Variants in SHANK2 observed in about 807,000 individuals in gnomAD.
SHANK2 encodes SH3 and multiple ankyrin repeat domains protein 2.
In SHANK2, 43 loss-of-function variants were observed where a neutral mutation model predicts 133.7. That is an observed-to-expected ratio of 0.32 (90% CI 0.25 to 0.41). SHANK2 has a LOEUF of 0.41. Among genes scored for constraint, SHANK2 ranks in the 10% least tolerant of loss-of-function variants. The pLI is 1.00. For synonymous variants in SHANK2, 1,017 were observed against 952.8 expected, an observed-to-expected ratio of 1.07 and a Z score of -1.24; for missense variants, 1,994 against 2,235.8, an observed-to-expected ratio of 0.89 and a Z score of 2.18.
At chr11:71,242,076 A>G (rs573919249) in intron 1 of SHANK2, among the ~76,000 whole-genome samples, 80 of 152,334 alleles carry the variant, frequency 5.3e-4, no homozygotes, top group African/African-American at 1.7e-3. Context: ...GGAAATTCTG[A>G]CACACGCTAC....
intron 10 of SHANK2, among the ~76,000 whole-genome samples, chr11:70,933,767 A>G (rs1950532348): frequency 1.3e-5 from 2 of 152,216 alleles, no homozygotes; most frequent in East Asian, 3.9e-4. Context: ...TAAAAATACA[A>G]AAGTTAGCTG....
chr11:70,807,061 T>C lies in SHANK2; in HGVS notation c.1604A>G (p.Lys535Arg), dbSNP rs182586961. 2.6e-4 allele frequency: 185 copies of C among 717,980 alleles called. No individual in the cohort carries two copies. The East Asian group carries it at 4.7e-3, about 18-fold the overall frequency. 44.5% of individuals were successfully genotyped at this position (717,980 alleles called of 1,614,324 possible). A position where few individuals can be genotyped will look rare whatever the true frequency, so the allele number is the denominator to read the frequency against. The change falls in exon 13 of 26, where the codon AAG becomes AGG. Residue 535 changes from lysine (K) to arginine (R), a missense_variant. Transcript: ENST00000601538. This position sits in a 1 kb window ranked among gnomAD's most constrained non-coding sequence, Gnocchi z 4.8. Reference sequence around the variant, plus strand: ...GCCGTCCACTTGGGGTTGGTATGGCTTGACAGCGACGAAGAGCCTCCCGGG... The same window carrying C: ...GCCGTCCACTTGGGGTTGGTATGGCCTGACAGCGACGAAGAGCCTCCCGGG... ...AVPGRLFVAV[K>R]PYQPQVDGEI...
At position 71,065,406 on chromosome 11, in the gene SHANK2, T is replaced by TG. The variant is rs1296559289; in HGVS notation, c.1030-8849dup. Among the ~76,000 whole-genome samples, 22 of 8,622 alleles carry TG rather than the reference T, an allele frequency of 2.6e-3. 1 individual carries two copies. The highest frequency in any genetic ancestry group is 6.7e-3 in the African/African-American group (14 of 2,088). 5.7% of individuals were successfully genotyped at this position (8,622 alleles called of 152,430 possible). A position where few individuals can be genotyped will look rare whatever the true frequency, so the allele number is the denominator to read the frequency against. Reference sequence around the variant, plus strand: ...AGATGAGCAGTGACTGGGGAAGTTGTGGGGGGGTGTGCAGAACTCTTCCAG... The same window carrying TG: ...AGATGAGCAGTGACTGGGGAAGTTGTGGGGGGGGTGTGCAGAACTCTTCCAG... On this transcript the variant is annotated intron_variant, in intron 9 of 25. Coordinates refer to ENST00000601538, the MANE Select transcript of SHANK2 (RefSeq NM_012309.5).
At chr11:71,060,688 G>T (rs912047814) in intron 9 of SHANK2, among the ~76,000 whole-genome samples, 1 of 152,234 alleles carries the variant, frequency 6.6e-6, no homozygotes, top group Non-Finnish European at 1.5e-5. Flanking sequence ...GTGGTGAAAG[G>T]AGAGCTGGCA....
chr11:71,086,288 T>C (rs1951414024), intron 8 of SHANK2, among the ~76,000 whole-genome samples: 2 of 113,486 alleles, frequency 1.8e-5, no homozygotes, highest in Non-Finnish European at 3.2e-5. Context: ...ATTATATATG[T>C]TATATAAGAT....
chr11:70,884,003 A>G (rs1003443057), intron 11 of SHANK2, among the ~76,000 whole-genome samples: 1 of 152,210 alleles, frequency 6.6e-6, no homozygotes, highest in Non-Finnish European at 1.5e-5. Flanking sequence ...GGGTAGGAAC[A>G]GAGATCTGCA....
intron 2 of SHANK2, among the ~76,000 whole-genome samples, chr11:71,173,833 A>T (rs1953366392): frequency 6.6e-6 from 1 of 152,216 alleles, no homozygotes; most frequent in Non-Finnish European, 1.5e-5. Flanking sequence ...CCAGGTGAAG[A>T]CTGAGGCAGA....
chr11:70,617,494 C>CAG (rs34014189), intron 17 of SHANK2, among the ~76,000 whole-genome samples: 99,007 of 151,862 alleles, frequency 0.65, 32,512 homozygotes, highest in Middle Eastern at 0.74. Context: ...TTTGTCAAAA[C>CAG]GGGCAGTCAG....
At position 70,485,374 on chromosome 11, in the gene SHANK2, G is replaced by C. The variant is rs1555152748; in HGVS notation, c.4919C>G (p.Ala1640Gly). Residue 1640 changes from alanine to glycine, a missense_variant, in exon 25 of 26, where the codon GCA (alanine) becomes GGA (glycine). By Grantham distance (60) the Ala-to-Gly change is moderately conservative. Transcript: ENST00000601538. This position sits in a 1 kb window ranked among gnomAD's most constrained non-coding sequence, Gnocchi z 5.8. Reference protein sequence around the residue: ...ILQQMNREKLAKPGEGLDSPM... With the variant: ...ILQQMNREKLGKPGEGLDSPM... ...TGAATCCAGTCCTTCCCCCGGCTTT[G>C]CCAATTTCTCTCGGTTCATTTGCTG... is the stretch of plus-strand genomic sequence containing the variant. 6.2e-7 allele frequency: 1 copy of C among 1,614,030 alleles called. No individual in the cohort carries two copies.
chr11:70,796,881 C>T (rs1344972412), intron 14 of SHANK2, among the ~76,000 whole-genome samples: 1 of 152,192 alleles, frequency 6.6e-6, no homozygotes, highest in Non-Finnish European at 1.5e-5. Flanking sequence ...GATTTCCATG[C>T]TAAATGACCC....
At chr11:70,951,440 C>T (rs898465369) in intron 10 of SHANK2, among the ~76,000 whole-genome samples, 16 of 135,010 alleles carry the variant, frequency 1.2e-4, no homozygotes, top group Admixed American at 3.4e-4. Flanking sequence ...CCCCTGGCTG[C>T]TGTGTGGTGA....
At chr11:71,151,715 T>C (rs1427922076) in intron 2 of SHANK2, among the ~76,000 whole-genome samples, 7 of 152,224 alleles carry the variant, frequency 4.6e-5, no homozygotes, top group African/African-American at 1.2e-4. Flanking sequence ...CTCAGAGCCC[T>C]GGCACAGAGC....
chr11:70,807,866 A>G lies in SHANK2; in HGVS notation c.1494-695T>C, dbSNP rs1372884557. Among the ~76,000 whole-genome samples the G allele has an allele frequency of 1.3e-5, 2 of 152,040 alleles. No homozygotes were observed. Among genetic ancestry groups the G allele is most frequent in the Non-Finnish European group, 2.9e-5 (2 of 67,996 alleles). On this transcript the variant is annotated intron_variant, in intron 12 of 25. Transcript: ENST00000601538. This position sits in a 1 kb window ranked among gnomAD's most constrained non-coding sequence, Gnocchi z 4.8. ...AGTAAACTGTGACACAGGCTACACC[A>G]TGGGTGAACCTTGGGGACACTGCTC...
chr11:71,118,871 G>C lies in SHANK2; in HGVS notation c.369C>G (p.Arg123=). ...CCTCACCCACGGGCTGTGGGTACTCGCGCAGGAGCCGCTCCTCATCCAGGA... is the reference window on the plus strand; with the variant it reads ...CCTCACCCACGGGCTGTGGGTACTCCCGCAGGAGCCGCTCCTCATCCAGGA... ...GKFLDEERLL[R]EYPQPVGEGV... The change falls in exon 4 of 26, where the codon CGC becomes CGG. Residue 123 remains arginine, a synonymous_variant. Coordinates refer to ENST00000601538, the MANE Select transcript of SHANK2 (RefSeq NM_012309.5). The C allele has an allele frequency of 6.4e-7, 1 of 1,551,674 alleles. No individual in the cohort carries two copies. Among genetic ancestry groups the C allele is most frequent in the Non-Finnish European group, 8.7e-7 (1 of 1,146,990 alleles).
intron 8 of SHANK2, among the ~76,000 whole-genome samples, chr11:71,085,620 T>A (rs878953676): frequency 0.18 from 13,783 of 75,018 alleles, 1,310 homozygotes; most frequent in African/African-American, 0.24. Context: ...TATATTATAT[T>A]ATATATTATA....
At chr11:71,148,081 C>A in intron 2 of SHANK2, among the ~76,000 whole-genome samples, 1 of 134,798 alleles carries the variant, frequency 7.4e-6, no homozygotes, top group African/African-American at 3.3e-5. Flanking sequence ...ACCAAGGCTT[C>A]TTGTTTTTTT....
At chr11:71,232,680 A>G (rs903708119) in intron 1 of SHANK2, among the ~76,000 whole-genome samples, 5 of 152,092 alleles carry the variant, frequency 3.3e-5, no homozygotes, top group Admixed American at 6.6e-5. Context: ...TCTTAGTAAC[A>G]TGTTCTTTTC....
intron 14 of SHANK2, among the ~76,000 whole-genome samples, chr11:70,729,563 T>C (rs1272292272): frequency 2.0e-5 from 3 of 151,256 alleles, no homozygotes; most frequent in Non-Finnish European, 4.4e-5. Context: ...CTCACTCTGT[T>C]GCCCAGGCTG....
At chr11:70,763,176 C>T (rs1194353883) in intron 14 of SHANK2, among the ~76,000 whole-genome samples, 1 of 152,200 alleles carries the variant, frequency 6.6e-6, no homozygotes, top group African/African-American at 2.4e-5. Context: ...GAGCGAAAAC[C>T]AATCTGCCTT....
Sources: allele counts gnomAD v4.1 joint callset (sites outside exome capture counted in the v4.1 genomes callset), GRCh38; gene constraint gnomAD v4.1.1; non-coding constraint Gnocchi (gnomAD v3.1); transcripts MANE v1.5; gene names NCBI Gene and HGNC (gene_info 2026-07-23, HGNC 2026-07-21).